The following GARIN1A variants were observed in gnomAD, a reference collection of about 807,000 sequenced individuals.
GARIN1A encodes golgi associated RAB2 interactor 1A.
chr7:128,689,561 C>T, the GARIN1A span, among the ~76,000 whole-genome samples: 2 of 149,384 alleles, frequency 1.3e-5, no homozygotes, highest in African/African-American at 5.0e-5. Flanking sequence ...GCCCGGCAGC[C>T]GCCCCGTCTG....
At chr7:128,688,159 G>A in the GARIN1A span, among the ~76,000 whole-genome samples, 21 of 152,096 alleles carry the variant, frequency 1.4e-4, no homozygotes, top group South Asian at 4.2e-4. Context: ...TTAAAGGCAC[G>A]CGCCACCACA....
the GARIN1A span, chr7:128,680,135 G>A: frequency 6.4e-7 from 1 of 1,561,272 alleles, no homozygotes; most frequent in East Asian, 2.4e-5. Context: ...GAAAGCCCCA[G>A]CTCACAGCAG....
chr7:128,699,553 A>T, the GARIN1A span, among the ~76,000 whole-genome samples: 1 of 152,218 alleles, frequency 6.6e-6, no homozygotes, highest in Non-Finnish European at 1.5e-5. Flanking sequence ...TTATAGCTTA[A>T]GTGCATTGCG....
the GARIN1A span, among the ~76,000 whole-genome samples, chr7:128,694,824 C>T: frequency 6.6e-6 from 1 of 152,148 alleles, no homozygotes; most frequent in Non-Finnish European, 1.5e-5. Flanking sequence ...TTAATTTAGG[C>T]ATAAATATAG....
the GARIN1A span, chr7:128,672,656 G>T: frequency 1.0e-5 from 5 of 486,418 alleles, no homozygotes; most frequent in South Asian, 2.3e-5. Context: ...GGGAGGGGGG[G>T]GCGGGGGGAC....
the GARIN1A span, among the ~76,000 whole-genome samples, chr7:128,692,260 T>G: frequency 1.3e-5 from 2 of 152,180 alleles, no homozygotes; most frequent in South Asian, 4.1e-4. Context: ...AGTGCCTGGG[T>G]CCTACTAGAC....
the GARIN1A span, among the ~76,000 whole-genome samples, chr7:128,692,810 G>A: frequency 6.6e-6 from 1 of 152,128 alleles, no homozygotes; most frequent in Admixed American, 6.5e-5. Context: ...GTATAGAAAC[G>A]CGTGGTTCTG....
the GARIN1A span, among the ~76,000 whole-genome samples, chr7:128,689,329 C>T: frequency 2.6e-5 from 4 of 151,718 alleles, no homozygotes; most frequent in African/African-American, 9.7e-5. Context: ...CACCTCTTAC[C>T]GGCCGCCATC....
the GARIN1A span, among the ~76,000 whole-genome samples, chr7:128,677,412 T>G: frequency 1.6e-4 from 22 of 141,338 alleles, no homozygotes; most frequent in African/African-American, 4.5e-4. Flanking sequence ...GAGGCTGAGG[T>G]GGGAGAATGG....
chr7:128,689,951 T>C, the GARIN1A span, among the ~76,000 whole-genome samples: 1 of 151,856 alleles, frequency 6.6e-6, no homozygotes, highest in Non-Finnish European at 1.5e-5. Flanking sequence ...ACGATGGCGG[T>C]TTTGTGGAAT....
the GARIN1A span, among the ~76,000 whole-genome samples, chr7:128,698,972 T>A: frequency 6.6e-6 from 1 of 152,124 alleles, no homozygotes; most frequent in Admixed American, 6.6e-5. Context: ...TAGGGGAACA[T>A]CCTGTGTCAG....
chr7:128,688,213 G>A, the GARIN1A span, among the ~76,000 whole-genome samples: 25 of 151,910 alleles, frequency 1.6e-4, no homozygotes, highest in Admixed American at 1.6e-3. Flanking sequence ...GGTTTCACTA[G>A]GTTGGCCAGG....
At chr7:128,694,726 T>A in the GARIN1A span, among the ~76,000 whole-genome samples, 4 of 152,156 alleles carry the variant, frequency 2.6e-5, no homozygotes, top group African/African-American at 7.2e-5. Context: ...AACAATACTT[T>A]GGGAGGTTAT....
the GARIN1A span, among the ~76,000 whole-genome samples, chr7:128,680,748 G>A: frequency 6.6e-6 from 1 of 151,954 alleles, no homozygotes; most frequent in African/African-American, 2.4e-5. Flanking sequence ...GTTATTTTTA[G>A]TAGAGACAGG....
At chr7:128,674,007 TC>T in the GARIN1A span, among the ~76,000 whole-genome samples, 1 of 152,018 alleles carries the variant, frequency 6.6e-6, no homozygotes, top group Non-Finnish European at 1.5e-5. Context: ...AATTCTCCTA[TC>T]TCAGCCTCCC....
At chr7:128,672,642 C>CGCCGG in the GARIN1A span, 1 of 121,728 alleles carries the variant, frequency 8.2e-6, no homozygotes, top group Non-Finnish European at 1.7e-5. Context: ...TTTTAAAGCC[C>CGCCGG]TGGGGGAGGG....
the GARIN1A span, among the ~76,000 whole-genome samples, chr7:128,699,173 T>A: frequency 0.14 from 20,463 of 151,422 alleles, 1,565 homozygotes; most frequent in African/African-American, 0.19. Context: ...TAAAAAATTT[T>A]AAATATGTAT....
the GARIN1A span, chr7:128,690,616 A>G: frequency 6.6e-6 from 1 of 152,124 alleles, no homozygotes; most frequent in African/African-American, 2.4e-5. Context: ...CATACATGCA[A>G]TTAAAAATTA....
At chr7:128,675,552 G>T in the GARIN1A span, 17 of 955,116 alleles carry the variant, frequency 1.8e-5, no homozygotes, top group East Asian at 4.4e-4. Flanking sequence ...ATCAATAGCA[G>T]GTCAGGGCCC....
Sources: gnomAD v4.1 joint callset for allele counts (sites outside exome capture counted in the v4.1 genomes callset) on GRCh38, gnomAD v4.1.1 for gene constraint, MANE v1.5 for transcripts, NCBI Gene and HGNC (gene_info 2026-07-23, HGNC 2026-07-21) for gene names.